KDM4B: variants seen among roughly 807,000 people sequenced by gnomAD.
KDM4B encodes the protein lysine-specific demethylase 4B.
KDM4B carries 32 observed loss-of-function variants against 125.2 expected under a neutral mutation model. The ratio of observed to expected loss-of-function variants is 0.26; its 90% CI spans 0.19 to 0.34. The LOEUF is 0.34. Ranked by LOEUF, KDM4B falls within the 10% of genes least tolerant of loss-of-function variation. The pLI is 1.00. For missense variants in KDM4B, 1,190 were observed against 1,577.7 expected (o/e 0.75, Z 4.16); for synonymous variants, 721 against 677.9 (o/e 1.06, Z -0.99).
At chr19:5,057,051 T>TGC in intron 6 of KDM4B, among the ~76,000 whole-genome samples, 1 of 142,828 alleles carries the variant, frequency 7.0e-6, no homozygotes, top group South Asian at 2.2e-4. Context: ...TGTGTGTGTG[T>TGC]GTGTGTGTGT....
chr19:4,969,498 G>A (rs1286243809), intron 1 of KDM4B, among the ~76,000 whole-genome samples: 3 of 149,664 alleles, frequency 2.0e-5, no homozygotes, highest in East Asian at 3.9e-4. Context: ...GGGAGCGGGG[G>A]CCCCTTCCCG....
intron 21 of KDM4B, among the ~76,000 whole-genome samples, chr19:5,148,231 T>G (rs1599280308): frequency 1.3e-5 from 2 of 152,208 alleles, no homozygotes; most frequent in South Asian, 4.1e-4. Context: ...AAACGCCGCC[T>G]TCAGAACTCG....
At chr19:5,085,549 T>G (rs974179930) in intron 9 of KDM4B, among the ~76,000 whole-genome samples, 1 of 152,216 alleles carries the variant, frequency 6.6e-6, no homozygotes, top group East Asian at 1.9e-4. Flanking sequence ...ATTTGGGAAG[T>G]GCAGACTTAG....
At chr19:5,080,186 TCAC>T (rs1269101794) in intron 8 of KDM4B, among the ~76,000 whole-genome samples, 6 of 152,216 alleles carry the variant, frequency 3.9e-5, no homozygotes, top group Admixed American at 3.3e-4. Context: ...AAGAAAAATA[TCAC>T]AGTGTTCTTA....
intron 1 of KDM4B, among the ~76,000 whole-genome samples, chr19:4,991,581 G>A (rs1036990758): frequency 3.3e-5 from 5 of 152,224 alleles, no homozygotes; most frequent in African/African-American, 1.2e-4. Context: ...TTAAAACTAG[G>A]AAATTGACAC....
intron 6 of KDM4B, among the ~76,000 whole-genome samples, chr19:5,056,405 CTT>C (rs941745686): frequency 1.5e-4 from 20 of 136,262 alleles, no homozygotes; most frequent in Admixed American, 1.5e-4. Context: ...CCCTTTCTTT[CTT>C]TTTTTTTTTT....
intron 7 of KDM4B, among the ~76,000 whole-genome samples, chr19:5,073,783 G>T (rs1049835293): frequency 1.3e-5 from 2 of 152,236 alleles, no homozygotes; most frequent in Admixed American, 6.5e-5. Context: ...AGCCAGGGAA[G>T]AATTAGTTCT....
rs73919709 is a variant in KDM4B at position 5,051,165 on chromosome 19, G to A, written c.626+3496G>A. On this transcript the variant is annotated intron_variant, in intron 6 of 22. Transcript: ENST00000159111. ...TGCCCCTAGAAGAGAGTTCCAGGCC[G>A]GGGTGGGAGGATGTTGGGTCTCGGC... Among the ~76,000 whole-genome samples the A allele has an allele frequency of 1.9e-3, 288 of 152,358 alleles. 2 individuals carry two copies. Among genetic ancestry groups the A allele is most frequent in the African/African-American group, 6.4e-3 (265 of 41,584 alleles).
In KDM4B at chr19:5,144,704, G is replaced by A. The variant is rs531940941; in HGVS notation, c.2902-79G>A. ...CAGGCAGAGAACCTCACTTGCCAGC[G>A]CGGAGAGGGTCTAAAACCCAGCGAC... is the stretch of plus-strand genomic sequence containing the variant. On this transcript the variant is annotated intron_variant, in intron 20 of 22. Coordinates refer to ENST00000159111, the MANE Select transcript of KDM4B (RefSeq NM_015015.3). 49 of 1,573,700 alleles carry A rather than the reference G, an allele frequency of 3.1e-5. No individual in the cohort carries two copies. The African/African-American group carries it at 3.3e-4, about 11-fold the overall frequency.
chr19:4,996,970 A>G (rs2035221765), intron 1 of KDM4B, among the ~76,000 whole-genome samples: 1 of 151,958 alleles, frequency 6.6e-6, no homozygotes. Flanking sequence ...AACCACAGAC[A>G]GCCCCAGACC....
intron 6 of KDM4B, among the ~76,000 whole-genome samples, chr19:5,052,871 A>G (rs968201100): frequency 1.3e-5 from 2 of 152,108 alleles, no homozygotes; most frequent in African/African-American, 4.8e-5. Context: ...CCAGCTTCTG[A>G]GCCCGGGACC....
At chr19:5,048,892 C>G (rs1448641800) in intron 6 of KDM4B, among the ~76,000 whole-genome samples, 1 of 152,138 alleles carries the variant, frequency 6.6e-6, no homozygotes, top group Non-Finnish European at 1.5e-5. Context: ...GAGGCCCAGC[C>G]AGACAGAAGC....
intron 18 of KDM4B, 27 bp downstream of exon 18, chr19:5,138,097 C>T (rs1395612142): frequency 6.4e-7 from 1 of 1,558,040 alleles, no homozygotes; most frequent in Non-Finnish European, 8.8e-7. Flanking sequence ...GAGGCCCACC[C>T]TGCCCGTGCC....
chr19:5,071,088 A>T, intron 7 of KDM4B, 29 bp downstream of exon 7: 1 of 1,606,828 alleles, frequency 6.2e-7, no homozygotes, highest in African/African-American at 1.3e-5. Flanking sequence ...GGCCCCAGGG[A>T]CCTGGGACCA....
chr19:5,014,587 T>A (rs546579417), intron 1 of KDM4B, among the ~76,000 whole-genome samples: 1 of 152,220 alleles, frequency 6.6e-6, no homozygotes, highest in Non-Finnish European at 1.5e-5. Flanking sequence ...AGTTTTAAAT[T>A]TTTTGTAGAG....
chr19:5,124,908 C>T (rs1403781239), intron 11 of KDM4B, among the ~76,000 whole-genome samples: 1 of 148,284 alleles, frequency 6.7e-6, no homozygotes, highest in Non-Finnish European at 1.5e-5. Context: ...CTTTTCTTTT[C>T]TTTTTTTTTG....
At chr19:4,975,559 G>A (rs2034415472) in intron 1 of KDM4B, among the ~76,000 whole-genome samples, 1 of 151,688 alleles carries the variant, frequency 6.6e-6, no homozygotes, top group Non-Finnish European at 1.5e-5. Context: ...AGACGTGGTG[G>A]GTGTTGAGTG....
At chr19:5,108,165 C>CT (rs2145976916) in intron 9 of KDM4B, among the ~76,000 whole-genome samples, 1 of 152,346 alleles carries the variant, frequency 6.6e-6, no homozygotes, top group South Asian at 2.1e-4. Context: ...CACACAGGTG[C>CT]TTTTTTTAAT....
chr19:5,061,532 G>A (rs1441601707), intron 6 of KDM4B, among the ~76,000 whole-genome samples: 2 of 152,150 alleles, frequency 1.3e-5, no homozygotes, highest in Non-Finnish European at 2.9e-5. Flanking sequence ...GAGGGAGGTG[G>A]CCTTTCCCCA....
Sources: allele counts gnomAD v4.1 joint callset (sites outside exome capture counted in the v4.1 genomes callset), GRCh38; gene constraint gnomAD v4.1.1; transcripts MANE v1.5; gene names NCBI Gene and HGNC (gene_info 2026-07-23, HGNC 2026-07-21).